CACNA1C: variants seen among roughly 807,000 people sequenced by gnomAD.
The protein encoded by CACNA1C is voltage-dependent L-type calcium channel subunit alpha-1C.
Under a neutral mutation model 229.0 loss-of-function variants are expected in CACNA1C, and 30 were observed. The ratio of observed to expected loss-of-function variants is 0.13; its 90% CI spans 0.10 to 0.18. CACNA1C has a LOEUF of 0.18. Among genes scored for constraint, CACNA1C ranks in the 10% least tolerant of loss-of-function variants. The pLI is 1.00. For synonymous variants in CACNA1C, 1,114 were observed against 1,132.5 expected (o/e 0.98, Z 0.33); for missense variants, 1,658 against 2,845.0 (o/e 0.58, Z 9.49).
chr12:2,303,489 GTGCAGTGGC>G (rs2094743827), intron 3 of CACNA1C, among the ~76,000 whole-genome samples: 1 of 152,120 alleles, frequency 6.6e-6, no homozygotes, highest in African/African-American at 2.4e-5. Context: ...CCCTAGGCCA[GTGCAGTGGC>G]TCACACCCGT....
At chr12:2,266,384 T>C (rs929691355) in intron 3 of CACNA1C, among the ~76,000 whole-genome samples, 1 of 152,168 alleles carries the variant, frequency 6.6e-6, no homozygotes, top group African/African-American at 2.4e-5. Flanking sequence ...TTGCAGGGCC[T>C]TGGGCATGCT....
intron 29 of CACNA1C, among the ~76,000 whole-genome samples, chr12:2,618,100 T>G (rs2081526120): frequency 6.6e-6 from 1 of 152,190 alleles, no homozygotes; most frequent in Non-Finnish European, 1.5e-5. Flanking sequence ...GGTGTGGACC[T>G]GCTGTTTTAG....
Position 2,369,460 on chromosome 12 carries a change from G to A in CACNA1C, c.478-79516G>A, listed in dbSNP as rs183621552. Among the ~76,000 whole-genome samples, 965 of 149,496 alleles carry A rather than the reference G, an allele frequency of 6.5e-3. 6 individuals are homozygous for A. Among genetic ancestry groups the A allele is most frequent in the African/African-American group, 0.022 (917 of 40,802 alleles). On this transcript the variant is annotated intron_variant, in intron 3 of 46. Coordinates refer to ENST00000399655, the MANE Select transcript of CACNA1C (RefSeq NM_000719.7). Reference sequence around the variant, plus strand: ...GTTGCCCAGGCTGGAGTGCAGTGGCGCAATCTTGGCTCACTGCATCCCCCA... The same window carrying A: ...GTTGCCCAGGCTGGAGTGCAGTGGCACAATCTTGGCTCACTGCATCCCCCA...
chr12:2,249,140 A>G (rs1002612712), intron 3 of CACNA1C, among the ~76,000 whole-genome samples: 1 of 152,182 alleles, frequency 6.6e-6, no homozygotes, highest in African/African-American at 2.4e-5. Context: ...CAAGCCTGCC[A>G]CTTAACAGCT....
intron 9 of CACNA1C, among the ~76,000 whole-genome samples, chr12:2,531,382 G>T (rs960305193): frequency 2.6e-5 from 4 of 152,162 alleles, no homozygotes; most frequent in Admixed American, 6.5e-5. Flanking sequence ...TCCCAGCTCT[G>T]ATACTAACTG....
intron 3 of CACNA1C, among the ~76,000 whole-genome samples, chr12:2,419,413 C>T (rs79089724): frequency 8.9e-4 from 135 of 152,200 alleles, no homozygotes; most frequent in African/African-American, 3.0e-3. Context: ...AGGGATCCAC[C>T]GCCACGGCCT....
intron 6 of CACNA1C, among the ~76,000 whole-genome samples, chr12:2,487,545 A>G (rs1372778732): frequency 6.6e-6 from 1 of 151,370 alleles, no homozygotes; most frequent in East Asian, 1.9e-4. Context: ...CCACACACAC[A>G]AAACGTATAC....
chr12:2,259,606 C>T (rs1051214344), intron 3 of CACNA1C, among the ~76,000 whole-genome samples: 24 of 152,126 alleles, frequency 1.6e-4, no homozygotes, highest in East Asian at 3.9e-4. Context: ...TTTTTTGGCC[C>T]GGAGACAGCC....
At chr12:2,561,212 C>A (rs970956625) in intron 11 of CACNA1C, among the ~76,000 whole-genome samples, 1 of 152,164 alleles carries the variant, frequency 6.6e-6, no homozygotes, top group African/African-American at 2.4e-5. Flanking sequence ...GTGAGCTCCG[C>A]GGAGAGGCAG....
In CACNA1C at chr12:2,608,807, C is replaced by A; in HGVS notation, c.3558+95C>A. ...CAGAGGGGCTGCGACAGGGAGAGGC[C>A]GTGCAGATACTGAGATCGTCTCTCT... On this transcript the variant is annotated intron_variant, in intron 27 of 46. Coordinates refer to ENST00000399655, the MANE Select transcript of CACNA1C (RefSeq NM_000719.7). This position sits in a 1 kb window ranked among gnomAD's most constrained non-coding sequence, Gnocchi z 4.2. 8.4e-7 allele frequency: 1 copy of A among 1,196,436 alleles called. No homozygotes were observed. The highest frequency in any genetic ancestry group is 1.2e-6 in the Non-Finnish European group (1 of 833,340). The allele number at this position is 1,196,436 out of a possible 1,614,324, so 74.1% of individuals were successfully genotyped here. A position where few individuals can be genotyped will look rare whatever the true frequency, so the allele number is the denominator to read the frequency against.
chr12:2,012,146 A>T (rs1295707401), intron 1 of CACNA1C, among the ~76,000 whole-genome samples: 4 of 152,290 alleles, frequency 2.6e-5, no homozygotes, highest in Non-Finnish European at 4.4e-5. Context: ...CCAAGATGAG[A>T]GGCTTTGGAA....
intron 8 of CACNA1C, among the ~76,000 whole-genome samples, chr12:2,507,222 G>A (rs902261570): frequency 6.6e-6 from 1 of 152,192 alleles, no homozygotes; most frequent in Non-Finnish European, 1.5e-5. Context: ...TCTGCTCCTT[G>A]CAGCTCCTGA....
At chr12:2,140,504 A>C (rs117821005) in intron 3 of CACNA1C, among the ~76,000 whole-genome samples, 6 of 151,392 alleles carry the variant, frequency 4.0e-5, no homozygotes, top group African/African-American at 1.4e-4. Context: ...ATGAGAGGCT[A>C]GGAGGCCTCC....
At chr12:2,404,576 G>A (rs918333446) in intron 3 of CACNA1C, among the ~76,000 whole-genome samples, 2 of 152,178 alleles carry the variant, frequency 1.3e-5, no homozygotes, top group African/African-American at 4.8e-5. Flanking sequence ...CTGGCTTGCT[G>A]TGCACGCCTC....
chr12:2,150,562 C>T (rs1037821670), intron 3 of CACNA1C, among the ~76,000 whole-genome samples: 1 of 152,214 alleles, frequency 6.6e-6, no homozygotes, highest in African/African-American at 2.4e-5. Flanking sequence ...CAGCAGTGCA[C>T]TCCCTCTCCT....
intron 30 of CACNA1C, among the ~76,000 whole-genome samples, chr12:2,635,135 C>T (rs1191905508): frequency 6.6e-6 from 1 of 152,100 alleles, no homozygotes; most frequent in African/African-American, 2.4e-5. Context: ...GTGAGCGCCT[C>T]ACTCCCACAT....
At chr12:2,264,623 C>G (rs895911589) in intron 3 of CACNA1C, among the ~76,000 whole-genome samples, 1 of 152,226 alleles carries the variant, frequency 6.6e-6, no homozygotes, top group East Asian at 1.9e-4. Flanking sequence ...TAACCCTCTT[C>G]CACATGGGTT....
At chr12:2,676,585 A>C (rs1269589706) in intron 39 of CACNA1C, 1 of 154,738 alleles carries the variant, frequency 6.5e-6, no homozygotes, top group East Asian at 1.9e-4. Context: ...TTTGAAAGAA[A>C]AATCCAAACT....
intron 3 of CACNA1C, among the ~76,000 whole-genome samples, chr12:2,395,016 TATTTA>T (rs2098546651): frequency 6.6e-6 from 1 of 152,104 alleles, no homozygotes; most frequent in Admixed American, 6.6e-5. Context: ...CTTATTTATT[TATTTA>T]TTTACTTATT....
Sources: allele counts gnomAD v4.1 joint callset (sites outside exome capture counted in the v4.1 genomes callset), GRCh38; gene constraint gnomAD v4.1.1; non-coding constraint Gnocchi (gnomAD v3.1); transcripts MANE v1.5; gene names NCBI Gene and HGNC (gene_info 2026-07-23, HGNC 2026-07-21).